The following GLI3 variants were observed in gnomAD, a reference collection of about 807,000 sequenced individuals.
The protein encoded by GLI3 is GLI family zinc finger 3, also known as transcription activator GLI3.
A neutral mutation model predicts 100.8 loss-of-function variants in GLI3; 20 were observed. That is an observed-to-expected ratio of 0.20 (90% CI 0.14 to 0.29). GLI3 has a LOEUF of 0.29. GLI3 is among the 10% of genes least tolerant of loss of function. GLI3 has a pLI of 1.00. For synonymous variants in GLI3, 938 were observed against 860.5 expected (o/e 1.09, Z -1.58); for missense variants, 2,040 against 2,128.5 (o/e 0.96, Z 0.82).
intron 2 of GLI3, among the ~76,000 whole-genome samples, chr7:42,202,760 C>T (rs1370602431): frequency 6.6e-6 from 1 of 152,162 alleles, no homozygotes; most frequent in Non-Finnish European, 1.5e-5. Flanking sequence ...CTGTTTTCTC[C>T]GCTCTGTTAG....
intron 10 of GLI3, among the ~76,000 whole-genome samples, chr7:41,980,427 C>T (rs998164162): frequency 2.0e-5 from 3 of 152,206 alleles, no homozygotes; most frequent in Non-Finnish European, 4.4e-5. Flanking sequence ...GAAGCCCAGC[C>T]TTGGAAACCA....
At chr7:42,244,237 G>T (rs554019996) in intron 1 of GLI3, among the ~76,000 whole-genome samples, 52 of 152,290 alleles carry the variant, frequency 3.4e-4, no homozygotes, top group African/African-American at 1.2e-3. Context: ...TCCCCCAAGA[G>T]AAATTAGTTT....
chr7:42,263,080 G>A (rs748940386), intron 1 of GLI3, among the ~76,000 whole-genome samples: 3 of 152,132 alleles, frequency 2.0e-5, no homozygotes, highest in South Asian at 2.1e-4. Flanking sequence ...GATGGGCCAC[G>A]TGCCATCGCC....
At chr7:41,980,204 G>A (rs1055491202) in intron 10 of GLI3, among the ~76,000 whole-genome samples, 6 of 152,328 alleles carry the variant, frequency 3.9e-5, no homozygotes, top group Non-Finnish European at 8.8e-5. Context: ...AAACTGCAGT[G>A]GTTGGGGAGC....
chr7:42,193,651 C>G (rs1435954452), intron 2 of GLI3, among the ~76,000 whole-genome samples: 2 of 152,148 alleles, frequency 1.3e-5, no homozygotes, highest in Non-Finnish European at 2.9e-5. Flanking sequence ...CCACCCAAGG[C>G]CTGGTTTCTG....
chr7:42,249,124 C>T (rs151111164), intron 1 of GLI3, among the ~76,000 whole-genome samples: 14 of 152,258 alleles, frequency 9.2e-5, no homozygotes, highest in Non-Finnish European at 1.5e-4. Context: ...TCTAAGCAAT[C>T]ACAGACTCTC....
intron 1 of GLI3, among the ~76,000 whole-genome samples, chr7:42,225,180 C>T (rs912843066): frequency 6.6e-6 from 1 of 152,170 alleles, no homozygotes; most frequent in African/African-American, 2.4e-5. Context: ...CAATTGGCAT[C>T]ATTGTTTCTC....
chr7:41,978,132 C>T (rs567188880), intron 11 of GLI3, among the ~76,000 whole-genome samples: 1 of 152,340 alleles, frequency 6.6e-6, no homozygotes, highest in Non-Finnish European at 1.5e-5. Flanking sequence ...GCTCAGCGTG[C>T]CCAGTGCGCC....
chr7:41,986,293 A>C (rs1787820824), intron 10 of GLI3, among the ~76,000 whole-genome samples: 3 of 152,134 alleles, frequency 2.0e-5, no homozygotes, highest in Admixed American at 2.0e-4. Context: ...ATTTTTTCTT[A>C]TGTGTAAGAA....
chr7:42,165,413 G>A (rs373747517), intron 2 of GLI3, among the ~76,000 whole-genome samples: 3 of 152,284 alleles, frequency 2.0e-5, no homozygotes, highest in African/African-American at 7.2e-5. Flanking sequence ...TTTTCATGGG[G>A]CTGGGAGGAT....
intron 10 of GLI3, among the ~76,000 whole-genome samples, chr7:42,002,653 A>C (rs889259121): frequency 2.6e-5 from 4 of 152,226 alleles, no homozygotes; most frequent in African/African-American, 9.6e-5. Flanking sequence ...ACCTCAATAA[A>C]ATATTTAAAT....
At chr7:42,210,269 G>C (rs1334358674) in intron 2 of GLI3, among the ~76,000 whole-genome samples, 1 of 147,324 alleles carries the variant, frequency 6.8e-6, no homozygotes, top group Non-Finnish European at 1.5e-5. Flanking sequence ...CCACAAGAGA[G>C]AATTTCTATA....
chr7:42,107,278 C>T (rs1180119899), intron 3 of GLI3, among the ~76,000 whole-genome samples: 1 of 151,908 alleles, frequency 6.6e-6, no homozygotes, highest in African/African-American at 2.4e-5. Flanking sequence ...CTGCGTGAGC[C>T]GAGATCACAC....
intron 1 of GLI3, among the ~76,000 whole-genome samples, chr7:42,257,188 T>C (rs1012048813): frequency 6.6e-6 from 1 of 152,112 alleles, no homozygotes; most frequent in Non-Finnish European, 1.5e-5. Flanking sequence ...CATACAAAAT[T>C]ATGTCATTTG....
chr7:41,966,244 C>T lies in GLI3; in HGVS notation c.2829G>A (p.Thr943=), dbSNP rs565467272. The change falls in exon 15 of 15, where the codon ACG becomes ACA. Residue 943 remains threonine, a synonymous_variant. Coordinates refer to ENST00000395925, the MANE Select transcript of GLI3 (RefSeq NM_000168.6). The surrounding 1 kb of genome is among the most constrained non-coding windows in gnomAD (Gnocchi z 5.8). ...TCATCCTCTCCATGTTGGGCAGGGG[C>T]GTCGGCGGCGGCCCTCCTGTGGCAG... ...YAAATGGPPP[T]PLPNMERMSL... The T allele has an allele frequency of 3.1e-6, 5 of 1,608,354 alleles. No individual in the cohort carries two copies. The highest frequency in any genetic ancestry group is 3.3e-5 in the Admixed American group (2 of 59,936).
intron 4 of GLI3, among the ~76,000 whole-genome samples, chr7:42,063,578 G>A (rs982133789): frequency 3.9e-5 from 6 of 152,142 alleles, no homozygotes; most frequent in African/African-American, 1.4e-4. Context: ...ATAAGCAATT[G>A]TAAAACACTA....
chr7:41,968,042 G>C, intron 13 of GLI3, 119 bp from the exon 14 acceptor site: 1 of 875,054 alleles, frequency 1.1e-6, no homozygotes, highest in Non-Finnish European at 1.9e-6. Flanking sequence ...TGAATGAGAA[G>C]AAAAACTATG....
chr7:42,083,653 G>A (rs1416120048), intron 3 of GLI3, among the ~76,000 whole-genome samples: 1 of 152,008 alleles, frequency 6.6e-6, no homozygotes, highest in East Asian at 1.9e-4. Flanking sequence ...GTAATTTGCA[G>A]AAATTATTAC....
At chr7:42,052,620 G>A (rs1562705016) in intron 4 of GLI3, among the ~76,000 whole-genome samples, 1 of 152,042 alleles carries the variant, frequency 6.6e-6, no homozygotes, top group Non-Finnish European at 1.5e-5. Context: ...TAAGTGCTGT[G>A]GTTGTTGATA....
Sources: allele counts gnomAD v4.1 joint callset (sites outside exome capture counted in the v4.1 genomes callset), GRCh38; gene constraint gnomAD v4.1.1; non-coding constraint Gnocchi (gnomAD v3.1); transcripts MANE v1.5; gene names NCBI Gene and HGNC (gene_info 2026-07-23, HGNC 2026-07-21).